MANEA: variants seen among roughly 807,000 people sequenced by gnomAD.
MANEA encodes the protein glycoprotein endo-alpha-1,2-mannosidase.
In MANEA, 25 loss-of-function variants were observed where a neutral mutation model predicts 36.8. The ratio of observed to expected loss-of-function variants is 0.68; its 90% CI spans 0.50 to 0.95. The LOEUF is 0.95. Ranked by LOEUF, MANEA falls within the 40% of genes least tolerant of loss-of-function variation. The pLI is 0.00. For synonymous variants in MANEA, 198 were observed against 188.5 expected, an observed-to-expected ratio of 1.05 and a Z score of -0.41; for missense variants, 565 against 558.8, an observed-to-expected ratio of 1.01 and a Z score of -0.11.
Position 95,606,271 on chromosome 6 carries a change from AC to A in MANEA, c.1257del (p.Ser420ValfsTer6), listed in dbSNP as rs775026664. 7 of 1,613,738 alleles carry A rather than the reference AC, an allele frequency of 4.3e-6. No homozygotes were observed. The Admixed American group carries it at 1.2e-4, about 27-fold the overall frequency. ...TQIEKAVPKR[T>X]SNTVYLDYRP... ...GATTGAAAAAGCTGTTCCCAAAAGA[AC>A]CAGTAATACAGTGTACCTAGATTAC... is the stretch of plus-strand genomic sequence containing the variant. On this transcript the variant is annotated frameshift_variant, in exon 5 of 5. Coordinates refer to ENST00000358812, the MANE Select transcript of MANEA (RefSeq NM_024641.4). LOFTEE classifies it high-confidence loss of function.
intron 3 of MANEA, among the ~76,000 whole-genome samples, chr6:95,598,931 A>G (rs1381424022): frequency 1.3e-5 from 2 of 152,158 alleles, no homozygotes; most frequent in East Asian, 1.9e-4. Context: ...TCAGGTCTGC[A>G]TTCAATCCTG....
intron 3 of MANEA, among the ~76,000 whole-genome samples, chr6:95,603,673 T>G (rs572830387): frequency 6.6e-6 from 1 of 152,168 alleles, no homozygotes; most frequent in Non-Finnish European, 1.5e-5. Flanking sequence ...AATAGAAGTC[T>G]CTAGTTCCAT....
chr6:95,588,393 T>A (rs1464319786), intron 2 of MANEA: 1 of 152,038 alleles, frequency 6.6e-6, no homozygotes, highest in African/African-American at 2.4e-5. Context: ...ATGGACTAAC[T>A]TTTTTCAAGT....
In MANEA at chr6:95,581,852, T is replaced by C. The variant is rs111724550; in HGVS notation, c.-39+4214T>C. On this transcript the variant is annotated intron_variant, in intron 1 of 4. Coordinates refer to ENST00000358812, the MANE Select transcript of MANEA (RefSeq NM_024641.4). ...TTCATTACCATTGTTTTTTTCCTTA[T>C]AGAATACCTATCCAAATGTTTTCCT... Among the ~76,000 whole-genome samples the C allele has an allele frequency of 4.3e-4, 65 of 152,278 alleles. 1 individual carries two copies. Among genetic ancestry groups the C allele is most frequent in the African/African-American group, 1.5e-3 (62 of 41,572 alleles).
chr6:95,605,388 C>A (rs1241018286), intron 4 of MANEA, among the ~76,000 whole-genome samples: 1 of 151,900 alleles, frequency 6.6e-6, no homozygotes. Context: ...CATAGTCTTA[C>A]AAAGAAACTT....
At chr6:95,601,716 A>ATTTTTTTTTTTTTTTTTTTTTTT (rs67335804) in intron 3 of MANEA, among the ~76,000 whole-genome samples, 32 of 64,992 alleles carry the variant, frequency 4.9e-4, no homozygotes, top group African/African-American at 5.7e-4. Context: ...AGATTCAGTG[A>ATTTTTTTTTTTTTTTTTTTTTTT]TTTTTTTTTT....
In MANEA at chr6:95,607,607, G is replaced by A. The variant is rs1769740995; in HGVS notation, c.*1202G>A. ...TTTTATATAGTAATATCCCCATTTTGTAAATGTTAGACTTTTATCATACCT... is the reference window on the plus strand; with the variant it reads ...TTTTATATAGTAATATCCCCATTTTATAAATGTTAGACTTTTATCATACCT... On this transcript the variant is annotated 3_prime_UTR_variant, in exon 5 of 5. Coordinates refer to ENST00000358812, the MANE Select transcript of MANEA (RefSeq NM_024641.4). 6.6e-6 allele frequency: 1 copy of A among 151,596 alleles called. No homozygotes were observed. The allele number at this position is 151,596 out of a possible 1,614,324, so 9.4% of individuals were successfully genotyped here.
At chr6:95,589,448 T>G (rs1258241968) in intron 2 of MANEA, among the ~76,000 whole-genome samples, 1 of 152,192 alleles carries the variant, frequency 6.6e-6, no homozygotes, top group Non-Finnish European at 1.5e-5. Flanking sequence ...GTTGGTTGAT[T>G]TTCTGCTTTT....
chr6:95,606,150 T>C lies in MANEA; in HGVS notation c.1134T>C (p.Asn378=), dbSNP rs1769706768. ...CGCAAAACACTCGGAACCGAATCAA[T>C]GGGAAGTATTATGAAATTGGTCTGA... ...WNTQNTRNRI[N]GKYYEIGLSA... Residue 378 remains asparagine, a synonymous_variant, in exon 5 of 5, where the codon AAT becomes AAC. Coordinates refer to ENST00000358812, the MANE Select transcript of MANEA (RefSeq NM_024641.4). The C allele has an allele frequency of 3.1e-6, 5 of 1,614,096 alleles. No homozygotes were observed. The highest frequency in any genetic ancestry group is 1.3e-5 in the African/African-American group (1 of 75,034).
Position 95,606,002 on chromosome 6 carries a change from T to G in MANEA, c.986T>G (p.Phe329Cys). 1 of 1,614,084 alleles carries G rather than the reference T, an allele frequency of 6.2e-7. No homozygotes were observed. Residue 329 changes from phenylalanine (F) to cysteine (C), a missense_variant, in exon 5 of 5, where the codon TTT becomes TGT. Phe to Cys is a radical substitution (Grantham distance 205, BLOSUM62 -2). Coordinates refer to ENST00000358812, the MANE Select transcript of MANEA (RefSeq NM_024641.4). ...TACACATATTTTGCCACAAATGGCT[T>G]TACTTATGGCTCATCACATCAGAAT... ...GIYTYFATNG[F>C]TYGSSHQNWA...
At chr6:95,593,602 G>A (rs1434655184) in intron 2 of MANEA, among the ~76,000 whole-genome samples, 2 of 152,162 alleles carry the variant, frequency 1.3e-5, no homozygotes, top group African/African-American at 2.4e-5. Flanking sequence ...CACTTGAAAC[G>A]TAGCTAGTTG....
chr6:95,605,523 T>C (rs1197483806), intron 4 of MANEA, among the ~76,000 whole-genome samples: 2 of 152,164 alleles, frequency 1.3e-5, no homozygotes, highest in Non-Finnish European at 2.9e-5. Context: ...TAAACCTCAA[T>C]ATGAGATGGT....
intron 3 of MANEA, among the ~76,000 whole-genome samples, chr6:95,598,556 TTTTG>T (rs1769527849): frequency 6.6e-6 from 1 of 152,092 alleles, no homozygotes; most frequent in African/African-American, 2.4e-5. Flanking sequence ...ACAGGGTTGT[TTTTG>T]TTTGTTTTGT....
intron 3 of MANEA, among the ~76,000 whole-genome samples, chr6:95,603,884 A>G (rs930134451): frequency 2.0e-5 from 3 of 152,116 alleles, no homozygotes; most frequent in African/African-American, 7.2e-5. Context: ...ACTAGTTAGA[A>G]GTAGCATACA....
intron 3 of MANEA, 110 bp downstream of exon 3, chr6:95,596,956 A>G: frequency 2.0e-6 from 1 of 498,286 alleles, no homozygotes; most frequent in Admixed American, 3.4e-5. Context: ...ATGACTTAGA[A>G]TCTTTTAAAT....
intron 2 of MANEA, among the ~76,000 whole-genome samples, chr6:95,594,193 T>C (rs1224565158): frequency 6.6e-6 from 1 of 152,214 alleles, no homozygotes; most frequent in Non-Finnish European, 1.5e-5. Context: ...CGAATATTTC[T>C]TGAATACTGT....
intron 3 of MANEA, among the ~76,000 whole-genome samples, chr6:95,598,379 G>A (rs1769521633): frequency 6.6e-6 from 1 of 152,142 alleles, no homozygotes; most frequent in Non-Finnish European, 1.5e-5. Context: ...CTATTGGCTG[G>A]TGCTGTAGTC....
intron 1 of MANEA, among the ~76,000 whole-genome samples, chr6:95,578,625 T>C (rs1769120177): frequency 6.6e-6 from 1 of 152,076 alleles, no homozygotes; most frequent in Non-Finnish European, 1.5e-5. Flanking sequence ...ATTTTCAGGC[T>C]CAATGCAGAA....
In MANEA at chr6:95,606,369, A is replaced by T; in HGVS notation, c.1353A>T (p.Ala451=). ...CTGAAAAATACAGTAAGGAAAGAGC[A>T]ACTTATGCATTAGATCGCCAGCTGC... ...KWSEKYSKER[A]TYALDRQLPV... Residue 451 remains alanine, a synonymous_variant, in exon 5 of 5, where the codon GCA becomes GCT. Transcript: ENST00000358812. 1 of 1,602,064 alleles carries T rather than the reference A, an allele frequency of 6.2e-7. No individual in the cohort carries two copies. The highest frequency in any genetic ancestry group is 8.5e-7 in the Non-Finnish European group (1 of 1,179,052).
Sources: gnomAD v4.1 joint callset for allele counts (sites outside exome capture counted in the v4.1 genomes callset) on GRCh38, gnomAD v4.1.1 for gene constraint, MANE v1.5 for transcripts, NCBI Gene and HGNC (gene_info 2026-07-23, HGNC 2026-07-21) for gene names.